ENOX1: variants seen among roughly 807,000 people sequenced by gnomAD.
ENOX1 encodes the protein candidate growth-related and time keeping constitutive hydroquinone (NADH) oxidase.
A neutral mutation model predicts 82.5 loss-of-function variants in ENOX1; 42 were observed. That is an observed-to-expected ratio of 0.51 (90% confidence interval 0.40 to 0.66). ENOX1 has a LOEUF of 0.66. Ranked by LOEUF, ENOX1 falls within the 30% of genes least tolerant of loss-of-function variation. ENOX1 has a pLI of 0.00. For missense variants in ENOX1, 608 were observed against 811.6 expected (o/e 0.75, Z 3.05); for synonymous variants, 271 against 282.2 (o/e 0.96, Z 0.40).
intron 3 of ENOX1, among the ~76,000 whole-genome samples, chr13:43,479,527 T>G (rs1038208447): frequency 1.3e-5 from 2 of 152,170 alleles, no homozygotes; most frequent in Admixed American, 1.3e-4. Flanking sequence ...AGTTCTAATA[T>G]TATCTTTCCC....
At chr13:43,632,475 T>C (rs1429965554) in intron 2 of ENOX1, among the ~76,000 whole-genome samples, 1 of 151,958 alleles carries the variant, frequency 6.6e-6, no homozygotes, top group East Asian at 1.9e-4. Flanking sequence ...AATGGAGTTT[T>C]GCTCTTGTTG....
At chr13:43,229,996 C>T (rs893653729) in intron 15 of ENOX1, among the ~76,000 whole-genome samples, 2 of 151,982 alleles carry the variant, frequency 1.3e-5, no homozygotes, top group African/African-American at 2.4e-5. Context: ...TTTGCAATGG[C>T]AACAAAAAGG....
chr13:43,492,448 T>TA (rs1443347501), intron 2 of ENOX1, among the ~76,000 whole-genome samples: 1 of 152,148 alleles, frequency 6.6e-6, no homozygotes, highest in Non-Finnish European at 1.5e-5. Flanking sequence ...CCAGAGGTCT[T>TA]AAAAATAGCC....
intron 5 of ENOX1, among the ~76,000 whole-genome samples, chr13:43,384,204 A>G (rs2052258556): frequency 6.6e-6 from 1 of 152,216 alleles, no homozygotes; most frequent in African/African-American, 2.4e-5. Flanking sequence ...AATGCAAGCA[A>G]TTATTATTAT....
At chr13:43,704,562 T>C (rs934655644) in intron 1 of ENOX1, among the ~76,000 whole-genome samples, 6 of 152,130 alleles carry the variant, frequency 3.9e-5, no homozygotes, top group Non-Finnish European at 7.3e-5. Flanking sequence ...GTCTGGTTAG[T>C]ATGAAGAGTC....
At chr13:43,711,731 G>A (rs1458363742) in intron 1 of ENOX1, among the ~76,000 whole-genome samples, 17 of 152,002 alleles carry the variant, frequency 1.1e-4, no homozygotes, top group South Asian at 6.2e-4. Flanking sequence ...TTTGAGAAGT[G>A]TCTGTTCATA....
chr13:43,619,803 G>A (rs1375160375), intron 2 of ENOX1, among the ~76,000 whole-genome samples: 1 of 151,970 alleles, frequency 6.6e-6, no homozygotes, highest in Non-Finnish European at 1.5e-5. Context: ...TCTCTATCTT[G>A]TGAAATAGTG....
intron 2 of ENOX1, among the ~76,000 whole-genome samples, chr13:43,495,058 A>C (rs1593482583): frequency 6.6e-6 from 1 of 152,150 alleles, no homozygotes; most frequent in African/African-American, 2.4e-5. Flanking sequence ...TAGTGACTTT[A>C]CTTTGAGATA....
intron 14 of ENOX1, among the ~76,000 whole-genome samples, chr13:43,240,201 A>C (rs2042749168): frequency 6.6e-6 from 1 of 152,212 alleles, no homozygotes; most frequent in Non-Finnish European, 1.5e-5. Context: ...CCAAATAAAT[A>C]TTTCTGCTAC....
intron 3 of ENOX1, among the ~76,000 whole-genome samples, chr13:43,445,852 T>G (rs1276865722): frequency 6.6e-6 from 1 of 152,170 alleles, no homozygotes; most frequent in African/African-American, 2.4e-5. Context: ...CGCAAGCAAT[T>G]CAGCTAAGCT....
In ENOX1 at chr13:43,293,838, G is replaced by A. The variant is rs778647616; in HGVS notation, c.1446+4508C>T. 1.3e-3 allele frequency among the ~76,000 whole-genome samples: 193 copies of A among 152,238 alleles called. 1 individual carries two copies. Among genetic ancestry groups the A allele is most frequent in the Non-Finnish European group, 2.1e-3 (142 of 68,010 alleles). On this transcript the variant is annotated intron_variant, in intron 12 of 16. Coordinates refer to ENST00000690772, the MANE Select transcript of ENOX1 (RefSeq NM_001347969.2). ...CTAACTGGGGTTACTTTGTATTTTA[G>A]GAAAGTAGTAATGTTATATTTCTTC...
At chr13:43,689,861 T>C (rs1483782423) in intron 1 of ENOX1, among the ~76,000 whole-genome samples, 1 of 152,208 alleles carries the variant, frequency 6.6e-6, no homozygotes, top group African/African-American at 2.4e-5. Flanking sequence ...TGCCCAAGGC[T>C]TCTTCTCCAC....
intron 1 of ENOX1, among the ~76,000 whole-genome samples, chr13:43,784,762 T>C (rs994550783): frequency 2.0e-5 from 3 of 152,238 alleles, no homozygotes; most frequent in African/African-American, 7.2e-5. Context: ...CAATATAAAG[T>C]TGTCAACATT....
chr13:43,611,009 T>A (rs1319794247), intron 2 of ENOX1, among the ~76,000 whole-genome samples: 1 of 152,172 alleles, frequency 6.6e-6, no homozygotes, highest in Non-Finnish European at 1.5e-5. Context: ...CCAATAATTT[T>A]TTGTTATTAT....
intron 5 of ENOX1, among the ~76,000 whole-genome samples, chr13:43,373,465 T>A (rs1390764308): frequency 3.3e-5 from 5 of 152,342 alleles, no homozygotes; most frequent in Non-Finnish European, 5.9e-5. Context: ...ACACACCAAC[T>A]GCACTTGTTC....
intron 2 of ENOX1, among the ~76,000 whole-genome samples, chr13:43,527,446 T>C (rs568873127): frequency 6.6e-6 from 1 of 152,096 alleles, no homozygotes; most frequent in South Asian, 2.1e-4. Flanking sequence ...ACAGACTTTC[T>C]CTCCCCTAAA....
Position 43,359,649 on chromosome 13 carries a change from T to A in ENOX1, c.589+202A>T, listed in dbSNP as rs1175618079. The A allele has an allele frequency of 1.2e-5, 7 of 578,930 alleles. No individual in the cohort carries two copies. In the East Asian group the frequency reaches 2.0e-4, roughly 17 times the overall value. The allele number at this position is 578,930 out of a possible 1,614,324, so 35.9% of individuals were successfully genotyped here. On this transcript the variant is annotated intron_variant, in intron 7 of 16. Transcript: ENST00000690772. ...GATGGAATTCCTAAAGACTGGATGG[T>A]GGGAAATTGCTCCTGCAGTGAAGTA... is the stretch of plus-strand genomic sequence containing the variant.
At chr13:43,319,035 G>C (rs2047667881) in intron 11 of ENOX1, among the ~76,000 whole-genome samples, 1 of 152,118 alleles carries the variant, frequency 6.6e-6, no homozygotes, top group Admixed American at 6.5e-5. Flanking sequence ...GAGAGGGAGG[G>C]AGGAAGAGAG....
chr13:43,498,475 TG>T (rs1425255273), intron 2 of ENOX1, among the ~76,000 whole-genome samples: 1 of 152,004 alleles, frequency 6.6e-6, no homozygotes, highest in Non-Finnish European at 1.5e-5. Flanking sequence ...ATGGCCAAAC[TG>T]CAACAATTTG....
Sources: gnomAD v4.1 joint callset for allele counts (sites outside exome capture counted in the v4.1 genomes callset) on GRCh38, gnomAD v4.1.1 for gene constraint, MANE v1.5 for transcripts, NCBI Gene and HGNC (gene_info 2026-07-23, HGNC 2026-07-21) for gene names.